TTC23L: variants seen among roughly 807,000 people sequenced by gnomAD.
TTC23L encodes tetratricopeptide repeat domain 23 like.
Under a neutral mutation model 48.1 loss-of-function variants are expected in TTC23L, and 42 were observed. That is an observed-to-expected ratio of 0.87 (90% confidence interval 0.68 to 1.13). The LOEUF (loss-of-function observed/expected upper bound fraction) is 1.13. Ranked by LOEUF, TTC23L falls within the 50% of genes most tolerant of loss-of-function variation. The probability of loss-of-function intolerance (pLI) is 0.00; values close to 1 mark genes in which losing one functional copy is unlikely to be tolerated. For missense variants in TTC23L, 391 were observed against 421.0 expected (o/e 0.93, Z 0.62); for synonymous variants, 159 against 157.2 (o/e 1.01, Z -0.09).
downstream of TTC23L, among the ~76,000 whole-genome samples, chr5:34,900,311 GTAAAC>G (rs1365800130): frequency 3.3e-5 from 5 of 152,050 alleles, no homozygotes; most frequent in African/African-American, 1.2e-4. Flanking sequence ...CTTACAATAA[GTAAAC>G]TAGAGAAAGG....
chr5:34,906,261 A>G, the TTC23L span: 3 of 152,164 alleles, frequency 2.0e-5, no homozygotes, highest in South Asian at 6.2e-4. Flanking sequence ...CCGGCCTAAA[A>G]TAATAGTTTT....
At chr5:34,852,743 G>A (rs1759777972) in intron 4 of TTC23L, among the ~76,000 whole-genome samples, 1 of 152,134 alleles carries the variant, frequency 6.6e-6, no homozygotes, top group Non-Finnish European at 1.5e-5. Flanking sequence ...GTGGTGGGGT[G>A]TATTAGTCTG....
chr5:34,923,463 A>G, the TTC23L span: 2 of 506,938 alleles, frequency 3.9e-6, no homozygotes, highest in Non-Finnish European at 7.1e-6. Context: ...GTTTTAGTAG[A>G]GACGGGGTTT....
At chr5:34,900,876 T>C (rs186983567), downstream of TTC23L, among the ~76,000 whole-genome samples, 4 of 152,328 alleles carry the variant, frequency 2.6e-5, no homozygotes, top group African/African-American at 9.6e-5. Flanking sequence ...ACATAGCGTT[T>C]TGAGTGGATA....
At chr5:34,902,455 G>A (rs1213806972), downstream of TTC23L, 1 of 331,532 alleles carries the variant, frequency 3.0e-6, no homozygotes, top group East Asian at 8.8e-5. Context: ...AAGACCCTGT[G>A]TCTTTGGGGA....
intron 9 of TTC23L, among the ~76,000 whole-genome samples, chr5:34,895,070 GTCCAGTACCTGATTAA>G (rs1474100763): frequency 6.6e-6 from 1 of 152,186 alleles, no homozygotes; most frequent in Non-Finnish European, 1.5e-5. Context: ...ATTACTGTTT[GTCCAGTACCTGATTAA>G]ATACCTCCCA....
the TTC23L span, chr5:34,922,958 A>C: frequency 7.4e-7 from 1 of 1,351,566 alleles, no homozygotes; most frequent in Non-Finnish European, 1.0e-6. Flanking sequence ...GTTTTAAACA[A>C]GGCAGTCTAC....
intron 9 of TTC23L, among the ~76,000 whole-genome samples, chr5:34,894,782 A>T (rs1188594076): frequency 3.3e-5 from 5 of 152,132 alleles, no homozygotes; most frequent in African/African-American, 9.7e-5. Flanking sequence ...TATAATATCT[A>T]CTTCATAGGG....
rs866645947 is a variant in TTC23L, at chr5:34,896,876, G to T, written c.*97+1G>T. ...ACAGAGGGCAGTGTATGGAGGAATG[G>T]TAAGTACTTTACAGCTGTTGTACAG... On this transcript the variant is annotated splice_donor_variant, in intron 10 of 10. Transcript: ENST00000505624. LOFTEE classifies it low-confidence loss of function (3UTR_SPLICE). 2.0e-4 allele frequency: 147 copies of T among 718,674 alleles called. No individual in the cohort carries two copies. The highest frequency in any genetic ancestry group is 3.4e-4 in the Non-Finnish European group (130 of 386,240). 44.5% of individuals were successfully genotyped at this position (718,674 alleles called of 1,614,324 possible). A position where few individuals can be genotyped will look rare whatever the true frequency, so the allele number is the denominator to read the frequency against.
At chr5:34,890,306 G>A (rs1762787126) in intron 9 of TTC23L, among the ~76,000 whole-genome samples, 2 of 151,634 alleles carry the variant, frequency 1.3e-5, no homozygotes, top group Admixed American at 1.3e-4. Flanking sequence ...TTAGCCAGGT[G>A]TGGTGGCATG....
the TTC23L span, among the ~76,000 whole-genome samples, chr5:34,919,434 T>C: frequency 6.6e-6 from 1 of 152,266 alleles, no homozygotes; most frequent in Middle Eastern, 3.4e-3. Flanking sequence ...GGAGTATATG[T>C]GCAGGTTTGT....
the TTC23L span, chr5:34,918,779 C>T: frequency 9.0e-6 from 2 of 221,654 alleles, no homozygotes; most frequent in South Asian, 3.3e-4. Context: ...GATGGTTTGT[C>T]CTAAGTGCTA....
the TTC23L span, chr5:34,922,771 A>G: frequency 6.2e-7 from 1 of 1,613,176 alleles, no homozygotes; most frequent in Non-Finnish European, 8.5e-7. Context: ...TTGACCCTGT[A>G]AGTTTCTCAT....
At chr5:34,877,267 A>G (rs1182056942) in intron 8 of TTC23L, among the ~76,000 whole-genome samples, 1 of 152,012 alleles carries the variant, frequency 6.6e-6, no homozygotes, top group African/African-American at 2.4e-5. Context: ...ACACTCATTT[A>G]TGATTAAAAA....
At chr5:34,840,169 G>A (rs2150332357) in intron 1 of TTC23L, among the ~76,000 whole-genome samples, 1 of 150,942 alleles carries the variant, frequency 6.6e-6, no homozygotes, top group Admixed American at 6.6e-5. Context: ...TGGGATTACA[G>A]GCGTGAGCCT....
intron 4 of TTC23L, chr5:34,860,702 C>T (rs1038597938): frequency 2.6e-5 from 4 of 152,154 alleles, no homozygotes; most frequent in Non-Finnish European, 5.9e-5. Context: ...TCTGCAGAGA[C>T]TTCTTGTCTC....
chr5:34,918,160 A>AAC, the TTC23L span: 1 of 351,492 alleles, frequency 2.8e-6, no homozygotes, highest in East Asian at 4.6e-5. Context: ...AAAAAAAAAA[A>AAC]CTAGCTGGAC....
intron 8 of TTC23L, 108 bp downstream of exon 8, chr5:34,869,121 A>T: frequency 1.1e-6 from 1 of 874,994 alleles, no homozygotes; most frequent in Non-Finnish European, 1.8e-6. Flanking sequence ...TGTAATGGAA[A>T]AATTAGGTGG....
the TTC23L span, chr5:34,913,644 G>A: frequency 3.1e-6 from 3 of 952,660 alleles, no homozygotes; most frequent in Non-Finnish European, 4.8e-6. Context: ...TAAGGTCCTA[G>A]ATTTCACTTT....
Sources: gnomAD v4.1 joint callset for allele counts (sites outside exome capture counted in the v4.1 genomes callset) on GRCh38, gnomAD v4.1.1 for gene constraint, MANE v1.5 for transcripts, NCBI Gene and HGNC (gene_info 2026-07-23, HGNC 2026-07-21) for gene names.